CTSH: variants seen among roughly 807,000 people sequenced by gnomAD.
The protein encoded by CTSH is cathepsin H, also known as pro-cathepsin H.
In CTSH, 52 loss-of-function variants were observed where a neutral mutation model predicts 56.3. The ratio of observed to expected loss-of-function variants is 0.92; its 90% CI spans 0.74 to 1.16. The LOEUF is 1.16. CTSH is among the 50% of genes most tolerant of loss of function. The pLI, the probability that CTSH is intolerant of heterozygous loss-of-function variation, is 0.00. For missense variants in CTSH, 406 were observed against 424.5 expected (o/e 0.96, Z 0.38); for synonymous variants, 174 against 155.7 (o/e 1.12, Z -0.88).
chr15:78,932,059 C>T, intron 6 of CTSH: 1 of 1,241,580 alleles, frequency 8.1e-7, no homozygotes, highest in Non-Finnish European at 1.0e-6. Flanking sequence ...GGGTGTAGCT[C>T]CTAGTTGGCT....
intron 2 of CTSH, among the ~76,000 whole-genome samples, chr15:78,938,702 T>A (rs142618961): frequency 6.8e-4 from 103 of 152,334 alleles, no homozygotes; most frequent in African/African-American, 2.2e-3. Context: ...CTATTGTGAC[T>A]AGTTCTGCAA....
At chr15:78,929,572 A>G (rs2055002349) in intron 7 of CTSH, 79 bp from the exon 8 acceptor site, 8 of 948,810 alleles carry the variant, frequency 8.4e-6, no homozygotes, top group South Asian at 3.2e-5. Flanking sequence ...GCGTGGCGAG[A>G]TATCTGGCCT....
At position 78,939,227 on chromosome 15, in the gene CTSH, T is replaced by C. The variant is rs1041855712; in HGVS notation, c.92-56A>G. 4.2e-6 allele frequency: 6 copies of C among 1,421,220 alleles called. No individual in the cohort carries two copies. The East Asian group carries it at 9.3e-5, about 22-fold the overall frequency. 88.0% of individuals were successfully genotyped at this position (1,421,220 alleles called of 1,614,324 possible). On this transcript the variant is annotated intron_variant, in intron 1 of 11. Transcript: ENST00000220166. ...GCGCATCACAGTAATGTTGAGTCTA[T>C]AGCAAAGTAGGGCACTTTAGAACTG...
chr15:78,945,027 G>T lies in CTSH; in HGVS notation c.-46C>A, dbSNP rs750749939. The T allele has an allele frequency of 6.8e-7, 1 of 1,472,074 alleles. No homozygotes were observed. Among genetic ancestry groups the T allele is most frequent in the South Asian group, 1.3e-5 (1 of 78,466 alleles). The allele number at this position is 1,472,074 out of a possible 1,614,324, so 91.2% of individuals were successfully genotyped here. Reference sequence around the variant, plus strand: ...TCTTGCGCTCAGGGTCCGCGGAGGTGGCGGCCCAGAGCGTCAACTGGGAGC... The same window carrying T: ...TCTTGCGCTCAGGGTCCGCGGAGGTTGCGGCCCAGAGCGTCAACTGGGAGC... On this transcript the variant is annotated 5_prime_UTR_variant, in exon 1 of 12. Transcript: ENST00000220166.
Position 78,929,410 on chromosome 15 carries a change from A to G in CTSH, c.630+2T>C. On this transcript the variant is annotated splice_donor_variant, in intron 8 of 11. Transcript: ENST00000220166. LOFTEE classifies it high-confidence loss of function. ...AGACAGAGTGGAGGCTGTTGGAGTT[A>G]CCTTGCCCTGGTAGGGGTAGGTGTC... The G allele has an allele frequency of 6.2e-7, 1 of 1,611,012 alleles. No individual in the cohort carries two copies. Among genetic ancestry groups the G allele is most frequent in the Non-Finnish European group, 8.5e-7 (1 of 1,177,950 alleles).
chr15:78,935,137 C>A, intron 4 of CTSH, 55 bp from the exon 5 acceptor site: 2 of 1,195,278 alleles, frequency 1.7e-6, no homozygotes, highest in Non-Finnish European at 2.5e-6. Context: ...AAAAACCTTT[C>A]TGACAACAAG....
rs28529765 is a variant in CTSH at position 78,944,694 on chromosome 15, C to G, written c.91+197G>C. On this transcript the variant is annotated intron_variant, in intron 1 of 11. Coordinates refer to ENST00000220166, the MANE Select transcript of CTSH (RefSeq NM_004390.5). ...CAGCCCATCTGCTCCTCTGGTCCTA[C>G]AAGCCGCCCACCCTCCGAGAACCCC... 1.5e-4 allele frequency: 171 copies of G among 1,103,316 alleles called. No individual in the cohort carries two copies. The African/African-American group carries it at 2.4e-3, about 16-fold the overall frequency. 68.3% of individuals were successfully genotyped at this position (1,103,316 alleles called of 1,614,324 possible).
Position 78,939,287 on chromosome 15 carries a change from C to T in CTSH, c.92-116G>A, listed in dbSNP as rs552709486. 50 of 739,184 alleles carry T rather than the reference C, an allele frequency of 6.8e-5. 1 individual carries two copies. In the South Asian group the frequency reaches 8.0e-4, roughly 12 times the overall value. 45.8% of individuals were successfully genotyped at this position (739,184 alleles called of 1,614,324 possible). On this transcript the variant is annotated intron_variant, in intron 1 of 11. Transcript: ENST00000220166. ...TTCGAAAACTGGACTAAATTTAAAA[C>T]ACCAAAAATGGTGTTATATAATGCA...
intron 9 of CTSH, 146 bp downstream of exon 9, chr15:78,927,567 G>A (rs2054938402): frequency 5.8e-6 from 4 of 692,694 alleles, no homozygotes; most frequent in South Asian, 1.8e-5. Context: ...CCATCACAGC[G>A]ACTGAGACCC....
chr15:78,933,156 C>G (rs1317383917), intron 5 of CTSH, among the ~76,000 whole-genome samples: 2 of 152,200 alleles, frequency 1.3e-5, no homozygotes, highest in Non-Finnish European at 2.9e-5. Context: ...CACAACACCT[C>G]CAGAATAACA....
chr15:78,933,975 G>A (rs548709481), intron 5 of CTSH, among the ~76,000 whole-genome samples: 1 of 152,200 alleles, frequency 6.6e-6, no homozygotes, highest in African/African-American at 2.4e-5. Flanking sequence ...GAAAATTCTT[G>A]GTGGGCCTCT....
intron 10 of CTSH, among the ~76,000 whole-genome samples, chr15:78,923,540 C>T (rs564915583): frequency 4.6e-5 from 7 of 152,318 alleles, no homozygotes; most frequent in South Asian, 2.1e-4. Context: ...CCACCCACCT[C>T]GGCCTCCCAA....
intron 11 of CTSH, 74 bp downstream of exon 11, chr15:78,922,919 G>GGAAGT (rs2054804705): frequency 1.3e-6 from 2 of 1,519,780 alleles, no homozygotes; most frequent in Admixed American, 4.6e-5. Flanking sequence ...ACTCTGAGGT[G>GGAAGT]GAAGTGATGC....
chr15:78,937,472 C>T, intron 2 of CTSH, 49 bp from the exon 3 acceptor site: 1 of 1,520,118 alleles, frequency 6.6e-7, no homozygotes, highest in African/African-American at 1.4e-5. Context: ...GCTGCAGCTC[C>T]CTAGAGGGAG....
rs762232367 is a variant in CTSH at position 78,922,102 on chromosome 15, C to T, written c.*28G>A. 1.7e-5 allele frequency: 27 copies of T among 1,548,682 alleles called. No individual in the cohort carries two copies. The African/African-American group carries it at 2.1e-4, about 12-fold the overall frequency. ...CAGGCTGCCCGTTCCTCTCCTTCTC[C>T]GCCAGTCTGCGCTGCGGCTGCCACG... On this transcript the variant is annotated 3_prime_UTR_variant, in exon 12 of 12. Transcript: ENST00000220166.
At chr15:78,932,330 G>T (rs2055078854) in intron 6 of CTSH, 42 bp downstream of exon 6, 2 of 1,556,528 alleles carry the variant, frequency 1.3e-6, no homozygotes, top group African/African-American at 1.4e-5. Flanking sequence ...ACATCAGGAT[G>T]GGGTGTCCTC....
chr15:78,945,023 A>T lies in CTSH; in HGVS notation c.-42T>A, dbSNP rs2055370859. ...TGGCTCTTGCGCTCAGGGTCCGCGG[A>T]GGTGGCGGCCCAGAGCGTCAACTGG... On this transcript the variant is annotated 5_prime_UTR_variant, in exon 1 of 12. Transcript: ENST00000220166. 1 of 1,466,718 alleles carries T rather than the reference A, an allele frequency of 6.8e-7. No homozygotes were observed. The highest frequency in any genetic ancestry group is 9.0e-7 in the Non-Finnish European group (1 of 1,106,712). 90.9% of individuals were successfully genotyped at this position (1,466,718 alleles called of 1,614,324 possible). A position where few individuals can be genotyped will look rare whatever the true frequency, so the allele number is the denominator to read the frequency against.
At chr15:78,927,232 G>A (rs756626816) in intron 9 of CTSH, 78 of 157,020 alleles carry the variant, frequency 5.0e-4, no homozygotes, top group Non-Finnish European at 1.3e-4. Flanking sequence ...CCAATGACAC[G>A]GAGCACACAC....
chr15:78,922,075 C>G lies in CTSH; in HGVS notation c.*55G>C. On this transcript the variant is annotated 3_prime_UTR_variant, in exon 12 of 12. Transcript: ENST00000220166. The stretch of plus-strand genomic sequence containing the variant: ...CTCCAGGGCAGGATTTCCACCCAGG[C>G]CCAGGCTGCCCGTTCCTCTCCTTCT... 5 of 1,506,172 alleles carry G rather than the reference C, an allele frequency of 3.3e-6. No individual in the cohort carries two copies. Among genetic ancestry groups the G allele is most frequent in the Non-Finnish European group, 4.5e-6 (5 of 1,108,312 alleles). 93.3% of individuals were successfully genotyped at this position (1,506,172 alleles called of 1,614,324 possible). A position where few individuals can be genotyped will look rare whatever the true frequency, so the allele number is the denominator to read the frequency against.
Sources: gnomAD v4.1 joint callset for allele counts (sites outside exome capture counted in the v4.1 genomes callset) on GRCh38, gnomAD v4.1.1 for gene constraint, MANE v1.5 for transcripts, NCBI Gene and HGNC (gene_info 2026-07-23, HGNC 2026-07-21) for gene names.